ADAM9: variants seen among roughly 807,000 people sequenced by gnomAD.
The protein encoded by ADAM9 is ADAM metallopeptidase domain 9.
In ADAM9, 54 loss-of-function variants were observed where a neutral mutation model predicts 108.1. The observed-to-expected ratio is 0.50, with a 90% CI of 0.40 to 0.63. ADAM9 has a LOEUF of 0.63. ADAM9 is among the 20% of genes least tolerant of loss of function. The pLI is 0.00. For synonymous variants in ADAM9, 316 were observed against 336.0 expected (o/e 0.94, Z 0.65); for missense variants, 830 against 997.7 (o/e 0.83, Z 2.26).
intron 9 of ADAM9, among the ~76,000 whole-genome samples, chr8:39,023,965 C>T (rs924710801): frequency 6.6e-6 from 1 of 151,958 alleles, no homozygotes; most frequent in South Asian, 2.1e-4. Context: ...AGGCTGGTCT[C>T]GAACTCCTGA....
chr8:39,100,550 T>C (rs916040826), intron 20 of ADAM9, among the ~76,000 whole-genome samples: 1 of 151,968 alleles, frequency 6.6e-6, no homozygotes, highest in Non-Finnish European at 1.5e-5. Context: ...CCTCACCACA[T>C]TGTCATTCCA....
At chr8:39,033,403 AC>A (rs2129435200) in intron 11 of ADAM9, among the ~76,000 whole-genome samples, 1 of 151,308 alleles carries the variant, frequency 6.6e-6, no homozygotes, top group Non-Finnish European at 1.5e-5. Context: ...TATACCTTTT[AC>A]TTTGTTTTCT....
At chr8:39,057,236 A>T (rs907764721) in intron 14 of ADAM9, among the ~76,000 whole-genome samples, 1 of 151,960 alleles carries the variant, frequency 6.6e-6, no homozygotes, top group South Asian at 2.1e-4. Flanking sequence ...AAAATCACCT[A>T]ACAACTCATT....
intron 14 of ADAM9, among the ~76,000 whole-genome samples, chr8:39,057,323 C>T (rs1044435921): frequency 1.1e-4 from 16 of 149,052 alleles, no homozygotes; most frequent in South Asian, 4.2e-4. Context: ...GGAATTATTA[C>T]GTGAATCTAA....
At chr8:39,075,576 G>T (rs1838828893) in intron 15 of ADAM9, among the ~76,000 whole-genome samples, 1 of 152,162 alleles carries the variant, frequency 6.6e-6, no homozygotes, top group African/African-American at 2.4e-5. Context: ...CTTATTTTAT[G>T]AGCTGCCTGT....
intron 15 of ADAM9, among the ~76,000 whole-genome samples, chr8:39,072,753 A>G (rs753746695): frequency 3.3e-5 from 5 of 152,208 alleles, no homozygotes; most frequent in Non-Finnish European, 7.3e-5. Flanking sequence ...CCACTTCCTC[A>G]ACAGGACCAG....
At chr8:39,040,339 ATACCTGGCCGT>A (rs1189811445) in intron 11 of ADAM9, among the ~76,000 whole-genome samples, 3 of 152,116 alleles carry the variant, frequency 2.0e-5, no homozygotes, top group African/African-American at 7.2e-5. Context: ...GTGAGCCACC[ATACCTGGCCGT>A]TATCTCTTTT....
At chr8:39,032,922 C>T (rs1837144638) in intron 11 of ADAM9, among the ~76,000 whole-genome samples, 1 of 152,302 alleles carries the variant, frequency 6.6e-6, no homozygotes, top group Non-Finnish European at 1.5e-5. Context: ...TCTTTTGCCA[C>T]CCCATGTAAA....
At chr8:39,050,263 G>A (rs571778326) in intron 12 of ADAM9, among the ~76,000 whole-genome samples, 1 of 152,136 alleles carries the variant, frequency 6.6e-6, no homozygotes, top group Non-Finnish European at 1.5e-5. Flanking sequence ...CTTACTTAAG[G>A]TTCTTTGGGC....
chr8:39,084,802 G>A (rs1839136126), intron 18 of ADAM9, among the ~76,000 whole-genome samples: 1 of 151,776 alleles, frequency 6.6e-6, no homozygotes, highest in African/African-American at 2.4e-5. Flanking sequence ...TGAGTTCTTT[G>A]GCTATAACTG....
chr8:39,008,247 T>G (rs1018728417), intron 2 of ADAM9, among the ~76,000 whole-genome samples: 2 of 151,474 alleles, frequency 1.3e-5, no homozygotes, highest in African/African-American at 4.9e-5. Context: ...CTCGGCTCAC[T>G]GCAACCTCCA....
chr8:39,095,581 G>A (rs777317700), intron 20 of ADAM9, among the ~76,000 whole-genome samples: 105 of 152,132 alleles, frequency 6.9e-4, no homozygotes, highest in Non-Finnish European at 7.6e-4. Flanking sequence ...TTCTGTGTGC[G>A]TTTGAGAAGA....
intron 11 of ADAM9, among the ~76,000 whole-genome samples, chr8:39,029,206 G>A (rs1837023208): frequency 6.7e-6 from 1 of 148,574 alleles, no homozygotes; most frequent in Admixed American, 6.8e-5. Flanking sequence ...GGAGTGAACT[G>A]TTCATTACTG....
intron 12 of ADAM9, among the ~76,000 whole-genome samples, chr8:39,047,719 T>G (rs1837818571): frequency 6.6e-6 from 1 of 152,150 alleles, no homozygotes; most frequent in African/African-American, 2.4e-5. Flanking sequence ...GCTTATCTTT[T>G]GAAAAATACT....
chr8:39,080,299 C>T (rs1186361711), intron 16 of ADAM9, among the ~76,000 whole-genome samples: 1 of 152,078 alleles, frequency 6.6e-6, no homozygotes. Context: ...CCAGTTTTTA[C>T]TTGGTAGGAA....
rs746657481 is a variant in ADAM9, at chr8:39,055,684, T to C, written c.1503T>C (p.Asn501=). 2.5e-6 allele frequency: 4 copies of C among 1,613,812 alleles called. No individual in the cohort carries two copies. Among genetic ancestry groups the C allele is most frequent in the Non-Finnish European group, 3.4e-6 (4 of 1,179,774 alleles). The change falls in exon 14 of 22, where the codon AAT becomes AAC. Residue 501 remains asparagine, a synonymous_variant. Transcript: ENST00000487273. ...QFCQPDVFIQ[N]GYPCQNNKAY... is the part of the protein sequence containing the mutation. ...GTCAGCCAGATGTTTTTATTCAGAA[T>C]GGATATCCTTGCCAGAATAACAAAG...
chr8:39,102,692 A>G (rs1446477404), intron 21 of ADAM9, among the ~76,000 whole-genome samples: 1 of 152,238 alleles, frequency 6.6e-6, no homozygotes, highest in Non-Finnish European at 1.5e-5. Flanking sequence ...TATCCAGTTA[A>G]TAGACATGGA....
At chr8:39,045,044 A>G (rs1033195720) in intron 12 of ADAM9, among the ~76,000 whole-genome samples, 2 of 55,420 alleles carry the variant, frequency 3.6e-5, no homozygotes, top group Non-Finnish European at 7.1e-5. Flanking sequence ...ATACATATGT[A>G]TGTGTATGTG....
At chr8:39,079,753 T>A (rs1471167971) in intron 16 of ADAM9, among the ~76,000 whole-genome samples, 1 of 152,130 alleles carries the variant, frequency 6.6e-6, no homozygotes, top group Non-Finnish European at 1.5e-5. Flanking sequence ...TCTGGCTAAT[T>A]TGTGTGTTTT....
Sources: gnomAD v4.1 joint callset for allele counts (sites outside exome capture counted in the v4.1 genomes callset) on GRCh38, gnomAD v4.1.1 for gene constraint, MANE v1.5 for transcripts, NCBI Gene and HGNC (gene_info 2026-07-23, HGNC 2026-07-21) for gene names.